The following DHX35 variants were observed in gnomAD, a reference collection of about 807,000 sequenced individuals.
DHX35 encodes the protein probable ATP-dependent RNA helicase DHX35.
DHX35 carries 84 observed loss-of-function variants against 99.6 expected under a neutral mutation model. The observed-to-expected ratio is 0.84, with a 90% CI of 0.71 to 1.01. The LOEUF (loss-of-function observed/expected upper bound fraction) is 1.01, where lower values mean the gene tolerates loss of function less well. DHX35 is among the 50% of genes least tolerant of loss of function. DHX35 has a pLI of 0.00. For synonymous variants in DHX35, 331 were observed against 316.2 expected (o/e 1.05, Z -0.50); for missense variants, 852 against 888.5 (o/e 0.96, Z 0.52).
chr20:39,010,125 T>C (rs1028481827), intron 12 of DHX35, among the ~76,000 whole-genome samples, 155 bp from the exon 13 acceptor site: 2 of 152,244 alleles, frequency 1.3e-5, no homozygotes, highest in African/African-American at 4.8e-5. Context: ...CTTTCCTAAG[T>C]ATAAAAATAA....
chr20:39,009,113 A>C (rs921240877), intron 12 of DHX35, among the ~76,000 whole-genome samples: 1 of 152,196 alleles, frequency 6.6e-6, no homozygotes, highest in African/African-American at 2.4e-5. Flanking sequence ...AACTTTTAGG[A>C]AACACCCACT....
At chr20:39,033,375 C>A (rs1029403186) in intron 20 of DHX35, among the ~76,000 whole-genome samples, 11 of 152,100 alleles carry the variant, frequency 7.2e-5, no homozygotes, top group Admixed American at 6.6e-5. Context: ...TCCTAAGGAG[C>A]TCTGAAGGGC....
chr20:39,019,881 A>T (rs185865847), intron 15 of DHX35, among the ~76,000 whole-genome samples: 1 of 151,768 alleles, frequency 6.6e-6, no homozygotes, highest in Non-Finnish European at 1.5e-5. Flanking sequence ...TTCTCCATTC[A>T]CCCCCTGACC....
At chr20:39,032,304 TGG>T (rs2087068664) in intron 20 of DHX35, among the ~76,000 whole-genome samples, 1 of 152,202 alleles carries the variant, frequency 6.6e-6, no homozygotes, top group African/African-American at 2.4e-5. Flanking sequence ...CCTGAGTAGC[TGG>T]GATTACAGGT....
intron 13 of DHX35, among the ~76,000 whole-genome samples, chr20:39,013,951 G>T (rs952340169): frequency 2.0e-5 from 3 of 152,168 alleles, no homozygotes; most frequent in Non-Finnish European, 1.5e-5. Context: ...AGTAGGGAAG[G>T]TAGACTGGGA....
intron 19 of DHX35, chr20:39,030,249 G>A (rs1484081293): frequency 2.5e-5 from 4 of 157,960 alleles, no homozygotes; most frequent in African/African-American, 9.6e-5. Context: ...AAAGTGCTGG[G>A]ATTACAGGCA....
chr20:38,962,809 C>T, intron 1 of DHX35: 1 of 222,392 alleles, frequency 4.5e-6, no homozygotes, highest in Non-Finnish European at 9.0e-6. Flanking sequence ...GTTATGGAGT[C>T]AGACTGTCCG....
At chr20:38,978,124 A>G (rs1318812517) in intron 3 of DHX35, 2 of 778,802 alleles carry the variant, frequency 2.6e-6, no homozygotes, top group Non-Finnish European at 2.3e-6. Flanking sequence ...CTTCAACTGT[A>G]AGACCACCGG....
At chr20:38,999,633 A>C (rs1220797092) in intron 8 of DHX35, among the ~76,000 whole-genome samples, 1 of 152,234 alleles carries the variant, frequency 6.6e-6, no homozygotes, top group Non-Finnish European at 1.5e-5. Context: ...ACGTGTGTGC[A>C]CGTTCACTCA....
intron 3 of DHX35, among the ~76,000 whole-genome samples, chr20:38,982,357 G>A (rs2145856987): frequency 6.6e-6 from 1 of 152,290 alleles, no homozygotes; most frequent in Admixed American, 6.5e-5. Flanking sequence ...ACAACATACA[G>A]TCAAGATATA....
chr20:39,008,816 A>G (rs1004518447), intron 12 of DHX35, among the ~76,000 whole-genome samples: 3 of 152,220 alleles, frequency 2.0e-5, no homozygotes, highest in African/African-American at 7.2e-5. Context: ...TCTTTGCCCA[A>G]CAGATCCTCC....
intron 3 of DHX35, among the ~76,000 whole-genome samples, chr20:38,980,627 C>G (rs193057784): frequency 1.4e-3 from 213 of 151,766 alleles, no homozygotes; most frequent in African/African-American, 3.8e-3. Context: ...TATCTTCAAC[C>G]CTTTGTTTCT....
intron 17 of DHX35, among the ~76,000 whole-genome samples, chr20:39,024,177 C>T (rs1318332586): frequency 2.0e-5 from 3 of 152,216 alleles, no homozygotes; most frequent in Non-Finnish European, 4.4e-5. Context: ...TCCCAGCTGC[C>T]ATGAGAAGAC....
intron 3 of DHX35, among the ~76,000 whole-genome samples, chr20:38,975,325 C>A (rs1398346358): frequency 6.6e-6 from 1 of 152,178 alleles, no homozygotes; most frequent in Non-Finnish European, 1.5e-5. Context: ...GTAAGTTACT[C>A]ATTTCTTACA....
At chr20:39,017,101 C>T (rs1181861212) in intron 14 of DHX35, among the ~76,000 whole-genome samples, 1 of 152,066 alleles carries the variant, frequency 6.6e-6, no homozygotes, top group Non-Finnish European at 1.5e-5. Flanking sequence ...GGTGTCATGT[C>T]TAAGAAACTT....
chr20:38,972,626 G>T lies in DHX35; in HGVS notation c.242G>T (p.Cys81Phe), dbSNP rs377277906. ...GTGGTGATTGTTGGTGAAACAGGAT[G>T]TGGGAAGAGCACACAGATTCCTCAG... The part of the protein sequence containing the change: ...QTVVIVGETG[C>F]GKSTQIPQYL... The change falls in exon 3 of 22, where the codon TGT (cysteine) becomes TTT (phenylalanine). Residue 81 changes from cysteine (C) to phenylalanine (F), a missense_variant. By Grantham distance (205) the Cys-to-Phe change is radical. Transcript: ENST00000252011. The T allele has an allele frequency of 1.2e-6, 2 of 1,612,356 alleles. No homozygotes were observed. The highest frequency in any genetic ancestry group is 2.7e-5 in the African/African-American group (2 of 74,898).
chr20:38,993,144 G>A (rs1243825651), intron 7 of DHX35, among the ~76,000 whole-genome samples: 3 of 152,126 alleles, frequency 2.0e-5, no homozygotes, highest in African/African-American at 7.2e-5. Context: ...AAGAGCATAG[G>A]CATTGAGTCA....
Position 39,007,669 on chromosome 20 carries a change from C to T in DHX35, c.1222+1313C>T, listed in dbSNP as rs117134707. On this transcript the variant is annotated intron_variant, in intron 12 of 21. Transcript: ENST00000252011. ...GGTGATTGGGGAGATTCAATTTCAG[C>T]GCACCAGGCAGAGGGAATGGAAGGT... 4.3e-3 allele frequency among the ~76,000 whole-genome samples: 657 copies of T among 152,160 alleles called. 41 individuals carry two copies. The East Asian group carries it at 0.11, about 27-fold the overall frequency.
chr20:39,001,613 A>C, intron 8 of DHX35, 117 bp from the exon 9 acceptor site: 2 of 686,160 alleles, frequency 2.9e-6, no homozygotes, highest in South Asian at 3.8e-5. Flanking sequence ...TGTATTGCAC[A>C]TATATAATCT....
Sources: gnomAD v4.1 joint callset for allele counts (sites outside exome capture counted in the v4.1 genomes callset) on GRCh38, gnomAD v4.1.1 for gene constraint, MANE v1.5 for transcripts, NCBI Gene and HGNC (gene_info 2026-07-23, HGNC 2026-07-21) for gene names.